GRID2: variants seen among roughly 807,000 people sequenced by gnomAD.
GRID2 encodes the protein glutamate ionotropic receptor delta type subunit 2, also known as glutamate receptor ionotropic, delta-2.
Under a neutral mutation model 114.8 loss-of-function variants are expected in GRID2, and 33 were observed. The observed-to-expected ratio is 0.29, with a 90% CI of 0.22 to 0.38. The LOEUF (loss-of-function observed/expected upper bound fraction) is 0.38. Ranked by LOEUF, GRID2 falls within the 10% of genes least tolerant of loss-of-function variation. The probability of loss-of-function intolerance (pLI) is 1.00; values close to 1 mark genes in which losing one functional copy is unlikely to be tolerated. For missense variants in GRID2, 1,184 were observed against 1,257.7 expected, an observed-to-expected ratio of 0.94 and a Z score of 0.89; for synonymous variants, 505 against 449.9, an observed-to-expected ratio of 1.12 and a Z score of -1.55.
At chr4:92,693,897 CTAACCTGTGTGAAAATATTTTTT>C (rs1734304913) in intron 2 of GRID2, among the ~76,000 whole-genome samples, 1 of 152,128 alleles carries the variant, frequency 6.6e-6, no homozygotes, top group Admixed American at 6.5e-5. Flanking sequence ...AAGGACATTG[CTAACCTGTGTGAAAATATTTTTT>C]TAACAGAGAG....
At chr4:93,598,673 C>A (rs1676983494) in intron 13 of GRID2, among the ~76,000 whole-genome samples, 1 of 152,094 alleles carries the variant, frequency 6.6e-6, no homozygotes, top group African/African-American at 2.4e-5. Context: ...TTTGTATTTA[C>A]AGATTTTGTA....
At chr4:93,204,814 G>T (rs1485587756) in intron 4 of GRID2, among the ~76,000 whole-genome samples, 1 of 152,092 alleles carries the variant, frequency 6.6e-6, no homozygotes, top group Non-Finnish European at 1.5e-5. Context: ...AGTGCTTATA[G>T]TTTAAATTTT....
chr4:92,494,134 C>G (rs1164386681), intron 1 of GRID2, among the ~76,000 whole-genome samples: 3 of 151,950 alleles, frequency 2.0e-5, no homozygotes, highest in African/African-American at 7.2e-5. Context: ...TTCATAATTG[C>G]TTTGCCTATA....
chr4:92,382,178 T>C (rs1005977561), intron 1 of GRID2, among the ~76,000 whole-genome samples: 2 of 151,974 alleles, frequency 1.3e-5, no homozygotes, highest in African/African-American at 2.4e-5. Context: ...AATGACTGTA[T>C]TGAGCCCATA....
intron 2 of GRID2, among the ~76,000 whole-genome samples, chr4:93,028,308 A>AT (rs1724067733): frequency 6.6e-6 from 1 of 152,082 alleles, no homozygotes; most frequent in Non-Finnish European, 1.5e-5. Flanking sequence ...AACTTGAATG[A>AT]ATTGATGGTG....
At chr4:93,107,684 G>A (rs1002047509) in intron 3 of GRID2, among the ~76,000 whole-genome samples, 3 of 151,932 alleles carry the variant, frequency 2.0e-5, no homozygotes, top group Non-Finnish European at 2.9e-5. Context: ...TAGTAGAGAC[G>A]AGGTTTACCA....
intron 2 of GRID2, among the ~76,000 whole-genome samples, chr4:92,676,668 A>C (rs561201709): frequency 6.6e-6 from 1 of 152,134 alleles, no homozygotes; most frequent in South Asian, 2.1e-4. Context: ...TTTTCACAAA[A>C]TTTTCATTAT....
intron 2 of GRID2, among the ~76,000 whole-genome samples, chr4:92,611,593 A>C (rs1187375093): frequency 6.6e-6 from 1 of 151,554 alleles, no homozygotes; most frequent in East Asian, 1.9e-4. Flanking sequence ...TTTAGGGAGA[A>C]ATTGCTCAGT....
intron 1 of GRID2, among the ~76,000 whole-genome samples, chr4:93,801,997 A>T (rs1333985924): frequency 1.3e-5 from 2 of 152,148 alleles, no homozygotes; most frequent in East Asian, 1.9e-4. Context: ...CCCCTCCTAC[A>T]TATTTTGGTG....
intron 2 of GRID2, among the ~76,000 whole-genome samples, chr4:92,659,268 T>C (rs1051764138): frequency 1.3e-5 from 2 of 151,696 alleles, no homozygotes; most frequent in African/African-American, 4.8e-5. Context: ...GCCATTTACA[T>C]GTTTTTTACA....
intron 3 of GRID2, among the ~76,000 whole-genome samples, chr4:93,090,801 G>A (rs1177349062): frequency 6.6e-6 from 1 of 152,090 alleles, no homozygotes; most frequent in Non-Finnish European, 1.5e-5. Flanking sequence ...CTGAGTTGGT[G>A]GAGGGAAGGG....
intron 11 of GRID2, among the ~76,000 whole-genome samples, chr4:93,472,222 G>T (rs1724911097): frequency 6.6e-6 from 1 of 151,710 alleles, no homozygotes; most frequent in Admixed American, 6.6e-5. Flanking sequence ...TACAAGGGAG[G>T]CTGAGGCAGG....
At chr4:92,832,685 C>T (rs1033071260) in intron 2 of GRID2, among the ~76,000 whole-genome samples, 6 of 152,088 alleles carry the variant, frequency 3.9e-5, no homozygotes, top group African/African-American at 1.2e-4. Flanking sequence ...TGAAGCACCA[C>T]ACCTGGCCAG....
intron 1 of GRID2, among the ~76,000 whole-genome samples, chr4:92,459,965 G>T: frequency 7.0e-6 from 1 of 142,736 alleles, no homozygotes; most frequent in Admixed American, 7.3e-5. Flanking sequence ...CAGCCTGCTG[G>T]CCTGCCCTGC....
rs17020026 is a variant in GRID2 at position 92,948,664 on chromosome 4, C to T, written c.245-136331C>T. Among the ~76,000 whole-genome samples the T allele has an allele frequency of 9.8e-3, 1,487 of 151,910 alleles. 23 individuals carry two copies. The highest frequency in any genetic ancestry group is 0.034 in the African/African-American group (1,398 of 41,514). On this transcript the variant is annotated intron_variant, in intron 2 of 15. Transcript: ENST00000282020. ...TGAATGTTATATTGCCTAGAATAAACGTTCTTAATTTTTTAGGGAATGGAA... is the reference window on the plus strand; with the variant it reads ...TGAATGTTATATTGCCTAGAATAAATGTTCTTAATTTTTTAGGGAATGGAA...
chr4:92,993,638 G>A (rs1217203374), intron 2 of GRID2, among the ~76,000 whole-genome samples: 1 of 152,142 alleles, frequency 6.6e-6, no homozygotes, highest in Non-Finnish European at 1.5e-5. Flanking sequence ...GGATGGTTAG[G>A]TGTTTAAGAA....
chr4:92,932,892 G>A (rs1750357299), intron 2 of GRID2, among the ~76,000 whole-genome samples: 1 of 151,230 alleles, frequency 6.6e-6, no homozygotes, highest in Non-Finnish European at 1.5e-5. Flanking sequence ...AAACTATTGT[G>A]ATAATTGAAA....
At chr4:92,688,264 G>T (rs918878385) in intron 2 of GRID2, among the ~76,000 whole-genome samples, 1 of 151,268 alleles carries the variant, frequency 6.6e-6, no homozygotes, top group Non-Finnish European at 1.5e-5. Flanking sequence ...TGGCCAGGCT[G>T]GTCTCGAACT....
chr4:92,956,571 T>C (rs1165981772), intron 2 of GRID2, among the ~76,000 whole-genome samples: 1 of 152,178 alleles, frequency 6.6e-6, no homozygotes, highest in Non-Finnish European at 1.5e-5. Context: ...TTCTCCAACA[T>C]CTGTTTCTTC....
Sources: allele counts gnomAD v4.1 joint callset (sites outside exome capture counted in the v4.1 genomes callset), GRCh38; gene constraint gnomAD v4.1.1; transcripts MANE v1.5; gene names NCBI Gene and HGNC (gene_info 2026-07-23, HGNC 2026-07-21).